PCDHGA9: variants seen among roughly 807,000 people sequenced by gnomAD.
PCDHGA9 encodes the protein protocadherin gamma subfamily A, 9.
Under a neutral mutation model 62.5 loss-of-function variants are expected in PCDHGA9, and 37 were observed. The ratio of observed to expected loss-of-function variants is 0.59; its 90% CI spans 0.46 to 0.78. The LOEUF (loss-of-function observed/expected upper bound fraction) is 0.78, where lower values mean the gene tolerates loss of function less well. PCDHGA9 is among the 30% of genes least tolerant of loss of function. The pLI, the probability that PCDHGA9 is intolerant of heterozygous loss-of-function variation, is 0.00. For synonymous variants in PCDHGA9, 459 were observed against 484.6 expected (o/e 0.95, Z 0.69); for missense variants, 1,138 against 1,166.2 (o/e 0.98, Z 0.35).
Position 141,491,300 on chromosome 5 carries a change from G to T in PCDHGA9, c.2425-3507G>T. On this transcript the variant is annotated intron_variant, in intron 1 of 3. Coordinates refer to ENST00000573521, the MANE Select transcript of PCDHGA9 (RefSeq NM_018921.3). The surrounding 1 kb of genome is among the most constrained non-coding windows in gnomAD (Gnocchi z 6.9). Reference sequence around the variant, plus strand: ...GACTTCCTCATACACCCTCCTGAGCGTTCAGACCTTACCCTTTACCTCATT... The same window carrying T: ...GACTTCCTCATACACCCTCCTGAGCTTTCAGACCTTACCCTTTACCTCATT... The T allele has an allele frequency of 6.2e-7, 1 of 1,614,136 alleles. No homozygotes were observed. The highest frequency in any genetic ancestry group is 8.5e-7 in the Non-Finnish European group (1 of 1,179,962).
At chr5:141,500,250 C>T (rs913074120) in intron 2 of PCDHGA9, among the ~76,000 whole-genome samples, 4 of 149,826 alleles carry the variant, frequency 2.7e-5, no homozygotes, top group African/African-American at 9.9e-5. Flanking sequence ...GCTCTGTCAC[C>T]CAGGCTGGAC....
chr5:141,457,270 T>C (rs1338894991), intron 1 of PCDHGA9, among the ~76,000 whole-genome samples: 2 of 152,234 alleles, frequency 1.3e-5, no homozygotes. Flanking sequence ...TTCCCCTCTG[T>C]GGGCCTACGA....
At chr5:141,447,433 C>T (rs756021616) in intron 1 of PCDHGA9, among the ~76,000 whole-genome samples, 5 of 152,118 alleles carry the variant, frequency 3.3e-5, no homozygotes, top group African/African-American at 7.2e-5. Context: ...CCACCGCACC[C>T]GGAGGAAATT....
chr5:141,496,554 G>T (rs2099769470), intron 2 of PCDHGA9, among the ~76,000 whole-genome samples: 1 of 152,160 alleles, frequency 6.6e-6, no homozygotes, highest in Non-Finnish European at 1.5e-5. Context: ...TTCTGGGCAT[G>T]CACAGTCCTG....
chr5:141,432,452 C>G lies in PCDHGA9; in HGVS notation c.2424+27076C>G. The G allele has an allele frequency of 6.2e-7, 1 of 1,614,212 alleles. No individual in the cohort carries two copies. The highest frequency in any genetic ancestry group is 8.5e-7 in the Non-Finnish European group (1 of 1,180,042). On this transcript the variant is annotated intron_variant, in intron 1 of 3. Coordinates refer to ENST00000573521, the MANE Select transcript of PCDHGA9 (RefSeq NM_018921.3). The surrounding 1 kb of genome is among the most constrained non-coding windows in gnomAD (Gnocchi z 6.0). ...CGACAATGCGCCCGAGATCCTGTACCCCGCCCTCCCCACGGACGGTTCCAC... is the reference window on the plus strand; with the variant it reads ...CGACAATGCGCCCGAGATCCTGTACGCCGCCCTCCCCACGGACGGTTCCAC...
At chr5:141,410,699 A>T (rs760193148) in intron 1 of PCDHGA9, 1 of 1,478,344 alleles carries the variant, frequency 6.8e-7, no homozygotes, top group East Asian at 2.3e-5. Flanking sequence ...CTTTATTTTC[A>T]TATCTAGAAT....
intron 1 of PCDHGA9, among the ~76,000 whole-genome samples, chr5:141,458,408 C>A (rs895785923): frequency 6.6e-6 from 1 of 151,932 alleles, no homozygotes; most frequent in East Asian, 1.9e-4. Flanking sequence ...AGAGACGGAG[C>A]GGGGGTTCCA....
chr5:141,473,048 A>T (rs1295750830), intron 1 of PCDHGA9, among the ~76,000 whole-genome samples: 4 of 151,992 alleles, frequency 2.6e-5, no homozygotes, highest in Non-Finnish European at 5.9e-5. Flanking sequence ...GAAAGAAAGA[A>T]GTGATACAAC....
intron 2 of PCDHGA9, among the ~76,000 whole-genome samples, chr5:141,500,948 A>G (rs1055841985): frequency 1.8e-4 from 28 of 151,592 alleles, no homozygotes; most frequent in Non-Finnish European, 4.4e-5. Context: ...GGCTCACTGC[A>G]AGCTCCACCT....
At chr5:141,498,012 A>T (rs184213306) in intron 2 of PCDHGA9, among the ~76,000 whole-genome samples, 6 of 152,348 alleles carry the variant, frequency 3.9e-5, no homozygotes, top group Non-Finnish European at 8.8e-5. Context: ...CAGTGCACTG[A>T]AGGAGACAAA....
At chr5:141,413,075 A>G (rs1013709122) in intron 1 of PCDHGA9, 4 of 1,246,610 alleles carry the variant, frequency 3.2e-6, no homozygotes, top group South Asian at 3.1e-5. Context: ...TAAAGTGCCC[A>G]GGCTACAGAG....
rs1255326344 is a variant in PCDHGA9, at chr5:141,431,636, A to G, written c.2424+26260A>G. 6.2e-7 allele frequency: 1 copy of G among 1,614,254 alleles called. No homozygotes were observed. ...GGACGACAAGGCGGCCCAAGTTTTC[A>G]AACTAGATTGTAATTCAGGGACAAT... On this transcript the variant is annotated intron_variant, in intron 1 of 3. Transcript: ENST00000573521. This position sits in a 1 kb window ranked among gnomAD's most constrained non-coding sequence, Gnocchi z 4.8.
Position 141,432,410 on chromosome 5 carries a change from T to C in PCDHGA9, c.2424+27034T>C. On this transcript the variant is annotated intron_variant, in intron 1 of 3. Transcript: ENST00000573521. This position sits in a 1 kb window ranked among gnomAD's most constrained non-coding sequence, Gnocchi z 6.0. The stretch of plus-strand genomic sequence containing the variant: ...CAGCAGCAACGTGTCGTTGAGCCTG[T>C]TCGTGCTGGACCAGAACGACAATGC... 6.2e-7 allele frequency: 1 copy of C among 1,614,228 alleles called. No homozygotes were observed. Among genetic ancestry groups the C allele is most frequent in the East Asian group, 2.2e-5 (1 of 44,884 alleles).
chr5:141,490,421 C>T lies in PCDHGA9; in HGVS notation c.2425-4386C>T. On this transcript the variant is annotated intron_variant, in intron 1 of 3. Coordinates refer to ENST00000573521, the MANE Select transcript of PCDHGA9 (RefSeq NM_018921.3). The surrounding 1 kb of genome is among the most constrained non-coding windows in gnomAD (Gnocchi z 5.4). ...AGCCTTGATATCTCTCCGGACCTGCCATTTCAGATTAAGCCTTCTGAGAAC... is the reference window on the plus strand; with the variant it reads ...AGCCTTGATATCTCTCCGGACCTGCTATTTCAGATTAAGCCTTCTGAGAAC... 1 of 1,614,192 alleles carries T rather than the reference C, an allele frequency of 6.2e-7. No homozygotes were observed. The highest frequency in any genetic ancestry group is 8.5e-7 in the Non-Finnish European group (1 of 1,180,016).
intron 2 of PCDHGA9, among the ~76,000 whole-genome samples, chr5:141,500,176 A>G (rs922155744): frequency 1.4e-5 from 2 of 145,916 alleles, no homozygotes; most frequent in Admixed American, 1.4e-4. Flanking sequence ...CATGAGCTTC[A>G]TTTTTATTTT....
At chr5:141,453,871 A>T (rs561367146) in intron 1 of PCDHGA9, among the ~76,000 whole-genome samples, 8 of 152,364 alleles carry the variant, frequency 5.3e-5, no homozygotes, top group African/African-American at 1.9e-4. Flanking sequence ...ACAGATGAGC[A>T]AAATAATGTG....
In PCDHGA9 at chr5:141,489,152, A is replaced by C; in HGVS notation, c.2425-5655A>C. The C allele has an allele frequency of 2.1e-6, 2 of 960,350 alleles. No individual in the cohort carries two copies. Among genetic ancestry groups the C allele is most frequent in the Non-Finnish European group, 3.1e-6 (2 of 640,552 alleles). 59.5% of individuals were successfully genotyped at this position (960,350 alleles called of 1,614,324 possible). A position where few individuals can be genotyped will look rare whatever the true frequency, so the allele number is the denominator to read the frequency against. On this transcript the variant is annotated intron_variant, in intron 1 of 3. Transcript: ENST00000573521. This position sits in a 1 kb window ranked among gnomAD's most constrained non-coding sequence, Gnocchi z 4.5. The stretch of plus-strand genomic sequence containing the variant: ...TTTTAAGAGGCTGGAAGGAGACATA[A>C]GAGACTTCAGCTGCTGCATTCCAAG...
intron 1 of PCDHGA9, chr5:141,418,929 T>A: frequency 6.2e-7 from 1 of 1,614,034 alleles, no homozygotes; most frequent in Non-Finnish European, 8.5e-7. Flanking sequence ...GATCAGATTA[T>A]GGAGGATTCC....
intron 2 of PCDHGA9, among the ~76,000 whole-genome samples, chr5:141,499,370 AT>A (rs932083472): frequency 2.0e-5 from 3 of 152,170 alleles, no homozygotes. Context: ...TAGCAACTTA[AT>A]TTTTTTCCAC....
Sources: gnomAD v4.1 joint callset for allele counts (sites outside exome capture counted in the v4.1 genomes callset) on GRCh38, gnomAD v4.1.1 for gene constraint, Gnocchi (gnomAD v3.1) non-coding constraint, MANE v1.5 for transcripts, NCBI Gene and HGNC (gene_info 2026-07-23, HGNC 2026-07-21) for gene names.